HID1: variants seen among roughly 807,000 people sequenced by gnomAD.
HID1 encodes the protein protein HID1.
A neutral mutation model predicts 89.7 loss-of-function variants in HID1; 42 were observed. The ratio of observed to expected loss-of-function variants is 0.47; its 90% CI spans 0.37 to 0.61. The LOEUF is 0.61. Ranked by LOEUF, HID1 falls within the 20% of genes least tolerant of loss-of-function variation. HID1 has a pLI of 0.00. For missense variants in HID1, 854 were observed against 1,039.3 expected (o/e 0.82, Z 2.45); for synonymous variants, 442 against 433.8 (o/e 1.02, Z -0.24).
Position 74,962,008 on chromosome 17 carries a change from A to AG in HID1, c.612-20dup. 6.6e-7 allele frequency: 1 copy of AG among 1,507,332 alleles called. No homozygotes were observed. The highest frequency in any genetic ancestry group is 1.4e-5 in the African/African-American group (1 of 71,814). The allele number at this position is 1,507,332 out of a possible 1,614,324, so 93.4% of individuals were successfully genotyped here. A position where few individuals can be genotyped will look rare whatever the true frequency, so the allele number is the denominator to read the frequency against. Reference sequence around the variant, plus strand: ...CTCCATCCTTGTAGGAGGAAGGGGGAGGGCACCTTAGGATCCCAGTCCCCT... The same window carrying AG: ...CTCCATCCTTGTAGGAGGAAGGGGGAGGGGCACCTTAGGATCCCAGTCCCCT... On this transcript the variant is annotated intron_variant, in intron 5 of 18. Coordinates refer to ENST00000425042, the MANE Select transcript of HID1 (RefSeq NM_030630.3). The surrounding 1 kb of genome is among the most constrained non-coding windows in gnomAD (Gnocchi z 4.3).
At position 74,972,680 on chromosome 17, in the gene HID1, G is replaced by A. The variant is rs1384716686; in HGVS notation, c.-24C>T. ...ATGTCTCTGGAGCCCGCTCCGGCCC[G>A]GCCCCCGCCCAGACTCCAACCCGGC... is the stretch of plus-strand genomic sequence containing the variant. On this transcript the variant is annotated 5_prime_UTR_variant, in exon 1 of 19. Transcript: ENST00000425042. This position sits in a 1 kb window ranked among gnomAD's most constrained non-coding sequence, Gnocchi z 6.4. 10 of 1,530,698 alleles carry A rather than the reference G, an allele frequency of 6.5e-6. No individual in the cohort carries two copies. The highest frequency in any genetic ancestry group is 1.4e-5 in the African/African-American group (1 of 70,392). 94.8% of individuals were successfully genotyped at this position (1,530,698 alleles called of 1,614,324 possible). A position where few individuals can be genotyped will look rare whatever the true frequency, so the allele number is the denominator to read the frequency against.
At chr17:74,954,598 C>A in intron 13 of HID1, 1 of 681,398 alleles carries the variant, frequency 1.5e-6, no homozygotes, top group Non-Finnish European at 2.4e-6. Context: ...AACACCCCCG[C>A]CCCAGTGCCT....
At chr17:74,955,545 C>A (rs542305179) in intron 13 of HID1, among the ~76,000 whole-genome samples, 1 of 152,168 alleles carries the variant, frequency 6.6e-6, no homozygotes, top group Non-Finnish European at 1.5e-5. Context: ...TTTGAAGCCT[C>A]CTTCCCTGCC....
chr17:74,969,196 CT>C (rs201106388), intron 1 of HID1, among the ~76,000 whole-genome samples: 7 of 151,552 alleles, frequency 4.6e-5, no homozygotes, highest in East Asian at 1.9e-4. Flanking sequence ...AATATCTGAT[CT>C]TTTTTTTTCT....
rs1410313569 is a variant in HID1 at position 74,963,746 on chromosome 17, T to A, written c.381A>T (p.Arg127=). Residue 127 remains arginine (R), a synonymous_variant, in exon 3 of 19, where the codon CGA becomes CGT. Coordinates refer to ENST00000425042, the MANE Select transcript of HID1 (RefSeq NM_030630.3). ...FFWSTVPGAG[R]GGQGEEDDEH... Reference sequence around the variant, plus strand: ...CCTGGCCAGGCCCACAGACCCCTCCTCGCCCTGCCCCGGGCACTGTGGACC... The same window carrying A: ...CCTGGCCAGGCCCACAGACCCCTCCACGCCCTGCCCCGGGCACTGTGGACC... The A allele has an allele frequency of 1.2e-6, 2 of 1,606,300 alleles. No homozygotes were observed. The highest frequency in any genetic ancestry group is 1.7e-6 in the Non-Finnish European group (2 of 1,176,616).
chr17:74,951,609 G>A lies in HID1; in HGVS notation c.2328C>T (p.Tyr776=), dbSNP rs147194757. The change falls in exon 19 of 19, where the codon TAC becomes TAT. Residue 776 remains tyrosine (Y), a synonymous_variant. Transcript: ENST00000425042. ...YLRNVDPPVW[Y]DTDVKLFEIQ... ...TCTCAAACAGCTTCACGTCGGTGTC[G>A]TACCAGACAGGGGGGTCCACATTCC... The A allele has an allele frequency of 1.4e-4, 225 of 1,612,638 alleles. 2 individuals are homozygous for A. Among genetic ancestry groups the A allele is most frequent in the African/African-American group, 1.3e-4 (10 of 74,904 alleles).
intron 13 of HID1, chr17:74,954,612 A>G: frequency 1.6e-6 from 1 of 617,088 alleles, no homozygotes; most frequent in Non-Finnish European, 2.8e-6. Context: ...AGTGCCTTTG[A>G]GTTCCCGCCA....
At chr17:74,955,580 A>G (rs1225674515) in intron 13 of HID1, among the ~76,000 whole-genome samples, 2 of 152,140 alleles carry the variant, frequency 1.3e-5, no homozygotes, top group African/African-American at 4.8e-5. Flanking sequence ...TGAGCTCCAC[A>G]GGGCAAGAAG....
chr17:74,952,236 C>T (rs944687409), intron 17 of HID1, 33 bp downstream of exon 17: 10 of 1,595,696 alleles, frequency 6.3e-6, no homozygotes, highest in Non-Finnish European at 8.6e-6. Flanking sequence ...CGGCCCCGCC[C>T]ACAACCCCCG....
In HID1 at chr17:74,959,020, C is replaced by G. The variant is rs750214001; in HGVS notation, c.1040G>C (p.Arg347Pro). 2 of 1,587,232 alleles carry G rather than the reference C, an allele frequency of 1.3e-6. No homozygotes were observed. Among genetic ancestry groups the G allele is most frequent in the East Asian group, 2.2e-5 (1 of 44,788 alleles). Residue 347 changes from arginine (R) to proline (P), a missense_variant, in exon 9 of 19, where the codon CGG (arginine) becomes CCG (proline). Arg to Pro is a moderately radical substitution (Grantham distance 103). Transcript: ENST00000425042. This position sits in a 1 kb window ranked among gnomAD's most constrained non-coding sequence, Gnocchi z 4.6. ...CTGGAGCAGGGGGTTGGACAGCAGC[C>G]GGGCTATACCCTTGAGGATGAACTG... is the stretch of plus-strand genomic sequence containing the variant. ...DFQFILKGIARLLSNPLLQTY... is the reference protein window; with the variant it reads ...DFQFILKGIAPLLSNPLLQTY...
chr17:74,953,909 C>T (rs1278262535), intron 14 of HID1, among the ~76,000 whole-genome samples: 1 of 151,562 alleles, frequency 6.6e-6, no homozygotes, highest in Non-Finnish European at 1.5e-5. Flanking sequence ...CATCCCTGTG[C>T]CCATCCCTCC....
At position 74,962,866 on chromosome 17, in the gene HID1, C is replaced by T. The variant is rs1307771281; in HGVS notation, c.504+99G>A. On this transcript the variant is annotated intron_variant, in intron 4 of 18. Coordinates refer to ENST00000425042, the MANE Select transcript of HID1 (RefSeq NM_030630.3). This position sits in a 1 kb window ranked among gnomAD's most constrained non-coding sequence, Gnocchi z 4.3. ...GCTCAGCTCTCCTGGAGCCCCCCGG[C>T]CCCCAGTGCAATCCGCCCAAGGGAA... is the stretch of plus-strand genomic sequence containing the variant. The T allele has an allele frequency of 1.2e-5, 10 of 824,322 alleles. No individual in the cohort carries two copies. In the East Asian group the frequency reaches 1.6e-4, roughly 13 times the overall value. The allele number at this position is 824,322 out of a possible 1,614,324, so 51.1% of individuals were successfully genotyped here. A position where few individuals can be genotyped will look rare whatever the true frequency, so the allele number is the denominator to read the frequency against.
chr17:74,962,127 T>C lies in HID1; in HGVS notation c.611+107A>G, dbSNP rs1170290175. On this transcript the variant is annotated intron_variant, in intron 5 of 18. Coordinates refer to ENST00000425042, the MANE Select transcript of HID1 (RefSeq NM_030630.3). The surrounding 1 kb of genome is among the most constrained non-coding windows in gnomAD (Gnocchi z 4.3). ...CCCCTGTAAGGTCAAGGTCGGGTCA[T>C]AGGTGAGGACGGTCTTCTGGGAAGA... 2.6e-6 allele frequency: 3 copies of C among 1,154,900 alleles called. No homozygotes were observed. Among genetic ancestry groups the C allele is most frequent in the East Asian group, 2.5e-5 (1 of 40,146 alleles). 71.5% of individuals were successfully genotyped at this position (1,154,900 alleles called of 1,614,324 possible).
In HID1 at chr17:74,952,213, C is replaced by T. The variant is rs1050991955; in HGVS notation, c.2144+56G>A. ...AGCCCACCTGCCCACACCACCGGCCCCGCCCACAACCCCGGCCCCGCCCAC... is the reference window on the plus strand; with the variant it reads ...AGCCCACCTGCCCACACCACCGGCCTCGCCCACAACCCCGGCCCCGCCCAC... On this transcript the variant is annotated intron_variant, in intron 17 of 18. Transcript: ENST00000425042. 1.9e-6 allele frequency: 3 copies of T among 1,554,342 alleles called. No homozygotes were observed. The African/African-American group carries it at 4.1e-5, about 21-fold the overall frequency.
intron 12 of HID1, 60 bp from the exon 13 acceptor site, chr17:74,956,016 T>C (rs2039385364): frequency 3.2e-6 from 5 of 1,541,812 alleles, no homozygotes; most frequent in Non-Finnish European, 3.5e-6. Flanking sequence ...CTGCACATCC[T>C]GGGCCGGGGT....
chr17:74,963,610 C>T (rs2039517490), intron 3 of HID1, 130 bp downstream of exon 3: 1 of 875,532 alleles, frequency 1.1e-6, no homozygotes. Context: ...CCCTCAGCAG[C>T]ACCCACTGGC....
chr17:74,958,684 C>T lies in HID1; in HGVS notation c.1229G>A (p.Arg410Gln), dbSNP rs1209738217. ...VPILFFLNDA[R>Q]ADQSRVGLMH... ...CACCCTGGTCTTACACTGATCGGCC[C>T]GGGCATCGTTGAGGAAGAAGAGGAT... Residue 410 changes from arginine (R) to glutamine (Q), a missense_variant, in exon 10 of 19, where the codon CGG becomes CAG. Coordinates refer to ENST00000425042, the MANE Select transcript of HID1 (RefSeq NM_030630.3). This position sits in a 1 kb window ranked among gnomAD's most constrained non-coding sequence, Gnocchi z 5.2. The T allele has an allele frequency of 3.1e-6, 5 of 1,611,010 alleles. No homozygotes were observed. Among genetic ancestry groups the T allele is most frequent in the South Asian group, 2.2e-5 (2 of 90,892 alleles).
chr17:74,956,762 G>A lies in HID1; in HGVS notation c.1472-806C>T, dbSNP rs117908614. 6.4e-3 allele frequency among the ~76,000 whole-genome samples: 979 copies of A among 152,320 alleles called. 4 individuals are homozygous for A. Among genetic ancestry groups the A allele is most frequent in the Non-Finnish European group, 0.01 (713 of 68,024 alleles). ...AAGATGTTCACACTGAAGGCATTTTGCCCCAGCCCATGGCCACCTGCCTTG... is the reference window on the plus strand; with the variant it reads ...AAGATGTTCACACTGAAGGCATTTTACCCCAGCCCATGGCCACCTGCCTTG... On this transcript the variant is annotated intron_variant, in intron 12 of 18. Transcript: ENST00000425042.
Position 74,955,946 on chromosome 17 carries a change from G to C in HID1, c.1482C>G (p.Tyr494Ter), listed in dbSNP as rs2039384004. 6.2e-7 allele frequency: 1 copy of C among 1,613,752 alleles called. No homozygotes were observed. Among genetic ancestry groups the C allele is most frequent in the Non-Finnish European group, 8.5e-7 (1 of 1,179,910 alleles). The change falls in exon 13 of 19, where the codon TAC (tyrosine) becomes TAG (stop). Residue 494 changes from tyrosine to a stop codon, truncating the protein, a stop_gained. Coordinates refer to ENST00000425042, the MANE Select transcript of HID1 (RefSeq NM_030630.3). LOFTEE classifies it high-confidence loss of function. Reference protein sequence around the residue: ...LLTIVVNVSPYLKSLSMVTAN... With the variant: ...LLTIVVNVSP Reference sequence around the variant, plus strand: ...CAGTCACCATGGACAGGCTCTTGAGGTAGGGGGACACTGTAAGGGAGGGGT... The same window carrying C: ...CAGTCACCATGGACAGGCTCTTGAGCTAGGGGGACACTGTAAGGGAGGGGT...
Sources: allele counts gnomAD v4.1 joint callset (sites outside exome capture counted in the v4.1 genomes callset), GRCh38; gene constraint gnomAD v4.1.1; non-coding constraint Gnocchi (gnomAD v3.1); transcripts MANE v1.5; gene names NCBI Gene and HGNC (gene_info 2026-07-23, HGNC 2026-07-21).